PLCB1: variants seen among roughly 807,000 people sequenced by gnomAD.
PLCB1 encodes the protein phospholipase C beta 1, also known as 1-phosphatidylinositol 4,5-bisphosphate phosphodiesterase beta-1.
PLCB1 carries 46 observed loss-of-function variants against 161.8 expected under a neutral mutation model. The observed-to-expected ratio is 0.28, with a 90% CI of 0.22 to 0.36. PLCB1 has a LOEUF of 0.36. Ranked by LOEUF, PLCB1 falls within the 10% of genes least tolerant of loss-of-function variation. The pLI, the probability that PLCB1 is intolerant of heterozygous loss-of-function variation, is 1.00. For synonymous variants in PLCB1, 517 were observed against 503.7 expected (o/e 1.03, Z -0.35); for missense variants, 1,016 against 1,472.5 (o/e 0.69, Z 5.07).
chr20:8,310,103 T>C (rs568285876), intron 2 of PLCB1, among the ~76,000 whole-genome samples: 4 of 152,302 alleles, frequency 2.6e-5, no homozygotes, highest in African/African-American at 9.6e-5. Context: ...GGTTTTGTTG[T>C]GGAGCAGAAA....
chr20:8,736,527 C>T (rs1980595077), intron 19 of PLCB1, among the ~76,000 whole-genome samples: 2 of 152,140 alleles, frequency 1.3e-5, no homozygotes. Flanking sequence ...CATTTTCACA[C>T]TGCTATAAAG....
intron 3 of PLCB1, among the ~76,000 whole-genome samples, chr20:8,428,868 A>T (rs1252978587): frequency 1.3e-5 from 2 of 152,028 alleles, no homozygotes; most frequent in Non-Finnish European, 2.9e-5. Flanking sequence ...TCCTACAAAA[A>T]CTTCTCAGAA....
intron 27 of PLCB1, among the ~76,000 whole-genome samples, chr20:8,785,264 G>A (rs1386159531): frequency 2.6e-5 from 4 of 151,944 alleles, no homozygotes; most frequent in Non-Finnish European, 4.4e-5. Flanking sequence ...ACTCTAATGT[G>A]CACTCAAATC....
chr20:8,341,433 C>T (rs1234938147), intron 2 of PLCB1, among the ~76,000 whole-genome samples: 2 of 152,168 alleles, frequency 1.3e-5, no homozygotes, highest in African/African-American at 4.8e-5. Flanking sequence ...CCCTTAGGCT[C>T]ACTTTATATG....
chr20:8,658,456 T>G (rs1221160377), intron 8 of PLCB1, 82 bp from the exon 9 acceptor site: 1 of 1,080,272 alleles, frequency 9.3e-7, no homozygotes, highest in African/African-American at 1.6e-5. Context: ...TATAAGATTT[T>G]ATTTCCCTAG....
At chr20:8,850,410 G>T (rs1391427700) in intron 31 of PLCB1, among the ~76,000 whole-genome samples, 1 of 152,172 alleles carries the variant, frequency 6.6e-6, no homozygotes, top group Non-Finnish European at 1.5e-5. Flanking sequence ...AAGCAGACCA[G>T]GCTCCCTTTA....
intron 3 of PLCB1, among the ~76,000 whole-genome samples, chr20:8,416,055 T>C (rs182247565): frequency 3.3e-5 from 5 of 152,302 alleles, no homozygotes; most frequent in Admixed American, 2.6e-4. Context: ...ACTCTGTCTC[T>C]CCCCTAGGGA....
Position 8,772,428 on chromosome 20 carries a change from A to G in PLCB1, c.2931-2111A>G, listed in dbSNP as rs371972853. On this transcript the variant is annotated intron_variant, in intron 26 of 31. Transcript: ENST00000338037. ...TTTTTGACCTTGGGCAAGTTGCACT[A>G]CTGCACCTCCATGCTGTGTCCTTGG... Among the ~76,000 whole-genome samples, 292 of 152,258 alleles carry G rather than the reference A, an allele frequency of 1.9e-3. 3 individuals carry two copies. Among genetic ancestry groups the G allele is most frequent in the South Asian group, 0.013 (61 of 4,824 alleles).
At chr20:8,411,192 T>C (rs2122512078) in intron 3 of PLCB1, among the ~76,000 whole-genome samples, 1 of 152,324 alleles carries the variant, frequency 6.6e-6, no homozygotes, top group Admixed American at 6.5e-5. Context: ...ACACTGGATG[T>C]ACTGTAAGTG....
chr20:8,806,490 A>G lies in PLCB1; in HGVS notation c.3423+16229A>G, dbSNP rs1014167535. On this transcript the variant is annotated intron_variant, in intron 31 of 31. Coordinates refer to ENST00000338037, the MANE Select transcript of PLCB1 (RefSeq NM_015192.4). The stretch of plus-strand genomic sequence containing the variant: ...CCTTCCTCTCATCTCCTCTACTTGC[A>G]AGCCATTCGGCTTATACATGTCAAT... Among the ~76,000 whole-genome samples the G allele has an allele frequency of 7.2e-5, 11 of 152,012 alleles. No homozygotes were observed. In the South Asian group the frequency reaches 1.0e-3, roughly 14 times the overall value.
intron 3 of PLCB1, among the ~76,000 whole-genome samples, chr20:8,467,538 T>C (rs963780309): frequency 1.3e-5 from 2 of 152,094 alleles, no homozygotes; most frequent in African/African-American, 4.8e-5. Context: ...TCATGAATAT[T>C]TGGGCAGCCT....
intron 3 of PLCB1, among the ~76,000 whole-genome samples, chr20:8,461,739 G>A (rs1033496227): frequency 2.0e-5 from 3 of 152,104 alleles, no homozygotes; most frequent in Admixed American, 2.0e-4. Context: ...CGGTCAAGGA[G>A]GAGGGCTTCA....
intron 23 of PLCB1, among the ~76,000 whole-genome samples, chr20:8,743,637 A>G (rs1164060122): frequency 1.3e-5 from 2 of 152,130 alleles, no homozygotes; most frequent in Non-Finnish European, 2.9e-5. Context: ...AAGAATCCTC[A>G]TGTCCACTTC....
At chr20:8,640,895 A>C (rs1988933874) in intron 4 of PLCB1, among the ~76,000 whole-genome samples, 1 of 152,090 alleles carries the variant, frequency 6.6e-6, no homozygotes, top group Non-Finnish European at 1.5e-5. Context: ...ATTTTCTTTA[A>C]GTTCATTTTC....
intron 31 of PLCB1, among the ~76,000 whole-genome samples, chr20:8,830,404 C>T (rs541427724): frequency 6.6e-6 from 1 of 152,328 alleles, no homozygotes; most frequent in Admixed American, 6.5e-5. Flanking sequence ...TTAGCAGAAT[C>T]TCTTTGCATG....
chr20:8,705,017 C>G (rs73598300), intron 11 of PLCB1, among the ~76,000 whole-genome samples: 1 of 108,894 alleles, frequency 9.2e-6, no homozygotes, highest in Non-Finnish European at 1.8e-5. Flanking sequence ...GCTTCCAGTG[C>G]GTTGAATGAG....
At chr20:8,793,285 A>G (rs1161945777) in intron 31 of PLCB1, among the ~76,000 whole-genome samples, 1 of 152,186 alleles carries the variant, frequency 6.6e-6, no homozygotes, top group Non-Finnish European at 1.5e-5. Context: ...TGCAGCAGGT[A>G]ATATTAAAGA....
At chr20:8,750,654 T>A (rs562119614) in intron 23 of PLCB1, 38 of 360,812 alleles carry the variant, frequency 1.1e-4, no homozygotes, top group South Asian at 8.4e-4. Flanking sequence ...ATTCTGAATT[T>A]CTTAGAAATA....
intron 31 of PLCB1, chr20:8,802,412 A>G (rs1218713645): frequency 1.2e-5 from 5 of 431,494 alleles, no homozygotes; most frequent in Non-Finnish European, 2.0e-5. Flanking sequence ...TCATTCTTCC[A>G]TATTGTCTTC....
Sources: gnomAD v4.1 joint callset for allele counts (sites outside exome capture counted in the v4.1 genomes callset) on GRCh38, gnomAD v4.1.1 for gene constraint, MANE v1.5 for transcripts, NCBI Gene and HGNC (gene_info 2026-07-23, HGNC 2026-07-21) for gene names.